EFCAB5: variants seen among roughly 807,000 people sequenced by gnomAD.
EFCAB5 encodes EF-hand calcium binding domain 5, also known as EF-hand calcium-binding domain-containing protein 5.
A neutral mutation model predicts 167.9 loss-of-function variants in EFCAB5; 131 were observed. The observed-to-expected ratio is 0.78, with a 90% CI of 0.68 to 0.90. The LOEUF (loss-of-function observed/expected upper bound fraction) is 0.90, where lower values mean the gene tolerates loss of function less well. EFCAB5 is among the 40% of genes least tolerant of loss of function. The pLI is 0.00. For synonymous variants in EFCAB5, 574 were observed against 602.8 expected (o/e 0.95, Z 0.70); for missense variants, 1,663 against 1,745.2 (o/e 0.95, Z 0.84).
chr17:29,970,633 A>AACAG (rs2067928418), intron 4 of EFCAB5, among the ~76,000 whole-genome samples: 1 of 45,226 alleles, frequency 2.2e-5, no homozygotes, highest in Admixed American at 2.8e-4. Flanking sequence ...CAGTCTCAAA[A>AACAG]ACAGACACAC....
chr17:30,059,707 A>G lies in EFCAB5; in HGVS notation c.2737+6A>G, dbSNP rs1472237945. ...AAAAGAATCTATGAAGAAAGGTAAA[A>G]TATAAGAATGTTCTTATTTAAACTG... On this transcript the variant is annotated splice_donor_region_variant and intron_variant, in intron 14 of 22. Transcript: ENST00000394835. 6.3e-7 allele frequency: 1 copy of G among 1,586,650 alleles called. No individual in the cohort carries two copies.
In EFCAB5 at chr17:30,004,430, C is replaced by T. The variant is rs574166119; in HGVS notation, c.1044+4454C>T. Among the ~76,000 whole-genome samples the T allele has an allele frequency of 3.9e-5, 6 of 152,200 alleles. No individual in the cohort carries two copies. In the East Asian group the frequency reaches 1.2e-3, roughly 29 times the overall value. ...GTGCCTTGTTATTGCTCAGTGGAGG[C>T]GAAATTTTCTGATTTCTTTAAAGGT... is the stretch of plus-strand genomic sequence containing the variant. On this transcript the variant is annotated intron_variant, in intron 7 of 22. Coordinates refer to ENST00000394835, the MANE Select transcript of EFCAB5 (RefSeq NM_198529.4).
At chr17:29,975,900 TG>T (rs1460963421) in intron 4 of EFCAB5, among the ~76,000 whole-genome samples, 1 of 152,162 alleles carries the variant, frequency 6.6e-6, no homozygotes, top group Non-Finnish European at 1.5e-5. Flanking sequence ...AGGTTATTAT[TG>T]CACACTAAAG....
At chr17:30,076,555 A>T (rs1002356793) in intron 14 of EFCAB5, among the ~76,000 whole-genome samples, 2 of 152,262 alleles carry the variant, frequency 1.3e-5, no homozygotes, top group Non-Finnish European at 2.9e-5. Context: ...AGTGCCAGGT[A>T]GTATTTGTTA....
intron 7 of EFCAB5, among the ~76,000 whole-genome samples, chr17:30,029,302 C>T (rs2151727908): frequency 6.6e-6 from 1 of 152,280 alleles, no homozygotes; most frequent in Non-Finnish European, 1.5e-5. Flanking sequence ...ACAGTTTAGC[C>T]TAGCCCATCT....
intron 22 of EFCAB5, among the ~76,000 whole-genome samples, chr17:30,103,255 C>T (rs1417883994): frequency 6.7e-6 from 1 of 149,138 alleles, no homozygotes; most frequent in Non-Finnish European, 1.5e-5. Context: ...GGCACATGCT[C>T]AATGTTTGTT....
At chr17:30,098,383 A>C (rs985654435) in intron 22 of EFCAB5, among the ~76,000 whole-genome samples, 2 of 151,556 alleles carry the variant, frequency 1.3e-5, no homozygotes, top group African/African-American at 4.8e-5. Context: ...AAAAAAAAAA[A>C]AGCTGGGAGT....
At chr17:30,002,597 A>G (rs1479771857) in intron 7 of EFCAB5, among the ~76,000 whole-genome samples, 1 of 152,178 alleles carries the variant, frequency 6.6e-6, no homozygotes, top group Non-Finnish European at 1.5e-5. Flanking sequence ...GTTAAACATC[A>G]TTTAGAAAAC....
intron 4 of EFCAB5, among the ~76,000 whole-genome samples, chr17:29,981,257 C>T (rs1051544334): frequency 1.8e-4 from 27 of 152,146 alleles, no homozygotes; most frequent in Admixed American, 1.2e-3. Flanking sequence ...ATGACCTTGT[C>T]CTTGCCTGCT....
At chr17:30,047,609 C>T (rs1018365321) in intron 8 of EFCAB5, among the ~76,000 whole-genome samples, 1 of 152,160 alleles carries the variant, frequency 6.6e-6, no homozygotes, top group Non-Finnish European at 1.5e-5. Flanking sequence ...GTCTAGGACT[C>T]ACACTGTGGT....
At chr17:30,072,607 G>C (rs149301120) in intron 14 of EFCAB5, among the ~76,000 whole-genome samples, 1 of 152,140 alleles carries the variant, frequency 6.6e-6, no homozygotes. Flanking sequence ...AAGATTATAA[G>C]TTGGTTGCAG....
At chr17:30,010,963 A>G (rs911740835) in intron 7 of EFCAB5, among the ~76,000 whole-genome samples, 3 of 152,152 alleles carry the variant, frequency 2.0e-5, no homozygotes, top group African/African-American at 7.2e-5. Flanking sequence ...TATTTAATCC[A>G]TCTTGAATTA....
At chr17:30,032,321 G>A (rs1463568229) in intron 7 of EFCAB5, among the ~76,000 whole-genome samples, 1 of 152,136 alleles carries the variant, frequency 6.6e-6, no homozygotes, top group Non-Finnish European at 1.5e-5. Context: ...TTTCCCGGCA[G>A]TCTCAGTTCA....
chr17:29,976,986 G>A (rs932849649), intron 4 of EFCAB5, among the ~76,000 whole-genome samples: 1 of 151,962 alleles, frequency 6.6e-6, no homozygotes, highest in Non-Finnish European at 1.5e-5. Context: ...TTTTCATTGG[G>A]GCTCTTGAAA....
chr17:29,996,650 A>G (rs1240086463), intron 6 of EFCAB5, among the ~76,000 whole-genome samples: 1 of 152,230 alleles, frequency 6.6e-6, no homozygotes. Context: ...ATTTTAAAAG[A>G]AAGATATGAT....
In EFCAB5 at chr17:30,078,843, C is replaced by G. The variant is rs189279968; in HGVS notation, c.3027+339C>G. Among the ~76,000 whole-genome samples the G allele has an allele frequency of 9.7e-4, 147 of 152,324 alleles. 2 individuals are homozygous for G. In the Middle Eastern group the frequency reaches 0.01, roughly 11 times the overall value. The stretch of plus-strand genomic sequence containing the variant: ...CAATATCAGTAAGGAGATGTACAAG[C>G]AGTTCAAGCTACATTTCCCTTGCAT... On this transcript the variant is annotated intron_variant, in intron 15 of 22. Coordinates refer to ENST00000394835, the MANE Select transcript of EFCAB5 (RefSeq NM_198529.4).
intron 15 of EFCAB5, among the ~76,000 whole-genome samples, chr17:30,079,040 T>A (rs919095125): frequency 6.6e-6 from 1 of 152,194 alleles, no homozygotes. Flanking sequence ...CCTTGCCACC[T>A]CCTCAGAGAC....
chr17:30,069,603 C>T, intron 14 of EFCAB5: 2 of 1,613,068 alleles, frequency 1.2e-6, no homozygotes, highest in Non-Finnish European at 1.7e-6. Context: ...TGCTCCTTCT[C>T]CTTGCTCTTC....
chr17:29,977,569 T>C (rs2068086444), intron 4 of EFCAB5, among the ~76,000 whole-genome samples: 1 of 152,220 alleles, frequency 6.6e-6, no homozygotes, highest in African/African-American at 2.4e-5. Flanking sequence ...TAGTGATCTC[T>C]GATAATTGCA....
Sources: allele counts gnomAD v4.1 joint callset (sites outside exome capture counted in the v4.1 genomes callset), GRCh38; gene constraint gnomAD v4.1.1; transcripts MANE v1.5; gene names NCBI Gene and HGNC (gene_info 2026-07-23, HGNC 2026-07-21).